The following DMD variants were observed in gnomAD, a reference collection of about 807,000 sequenced individuals.
DMD encodes the protein mutant dystrophin.
A neutral mutation model predicts 330.1 loss-of-function variants in DMD; 63 were observed. The ratio of observed to expected loss-of-function variants is 0.19; its 90% confidence interval spans 0.16 to 0.24. The LOEUF (loss-of-function observed/expected upper bound fraction) is 0.24. Ranked by LOEUF, DMD falls within the 10% of genes least tolerant of loss-of-function variation. DMD has a pLI of 1.00. For missense variants in DMD, 3,344 were observed against 2,684.1 expected (o/e 1.25, Z -5.43); for synonymous variants, 1,223 against 959.8 (o/e 1.27, Z -5.07).
At chrX:32,521,219 G>T (rs534647757) in intron 17 of DMD, among the ~76,000 whole-genome samples, 5 of 111,877 alleles carry the variant, frequency 4.5e-5, no homozygotes, top group African/African-American at 1.6e-4. Flanking sequence ...CACCAGGCTG[G>T]AGTGCAGTGG....
chrX:33,216,760 A>G (rs942358972), intron 1 of DMD, among the ~76,000 whole-genome samples: 2 of 111,677 alleles, frequency 1.8e-5, no homozygotes, highest in African/African-American at 3.3e-5. Context: ...CTTAGATGAT[A>G]CATGTTGTAA....
At chrX:31,341,891 G>GCA (rs58867858) in intron 61 of DMD, among the ~76,000 whole-genome samples, 1,632 of 98,841 alleles carry the variant, frequency 0.017, 18 homozygotes, top group South Asian at 0.052. Context: ...GTGCGCGCGC[G>GCA]CACACACACA....
At chrX:32,821,055 C>T (rs1341106034) in intron 5 of DMD, among the ~76,000 whole-genome samples, 1 of 110,972 alleles carries the variant, frequency 9.0e-6, no homozygotes, top group African/African-American at 3.3e-5. Flanking sequence ...AATCGGCCAA[C>T]TTGGGCTCAC....
At chrX:31,483,331 C>T (rs2068529129) in intron 57 of DMD, among the ~76,000 whole-genome samples, 1 of 111,582 alleles carries the variant, frequency 9.0e-6, no homozygotes, top group South Asian at 3.7e-4. Flanking sequence ...CAGGCGTGAG[C>T]CACCACGCCC....
intron 18 of DMD, among the ~76,000 whole-genome samples, chrX:32,506,084 A>G (rs1245080231): frequency 8.9e-6 from 1 of 111,963 alleles, no homozygotes; most frequent in Non-Finnish European, 1.9e-5. Context: ...ACCGCATAAC[A>G]CTCTAAAGAT....
chrX:31,651,423 C>T lies in DMD; in HGVS notation c.8027+6567G>A, dbSNP rs771760683. ...AGAAGAGAGACAATTAAGAATGGAACATCAACATTTAAAATTGCATTGAAG... is the reference window on the plus strand; with the variant it reads ...AGAAGAGAGACAATTAAGAATGGAATATCAACATTTAAAATTGCATTGAAG... On this transcript the variant is annotated intron_variant, in intron 54 of 78. Transcript: ENST00000357033. 2.7e-5 allele frequency among the ~76,000 whole-genome samples: 3 copies of T among 111,458 alleles called. No homozygotes were observed. The East Asian group carries it at 8.5e-4, about 32-fold the overall frequency.
intron 55 of DMD, among the ~76,000 whole-genome samples, chrX:31,579,502 T>TA (rs2076250155): frequency 4.4e-5 from 5 of 112,373 alleles, no homozygotes; most frequent in African/African-American, 1.6e-4. Flanking sequence ...TTTCCCAAAA[T>TA]GTGGTTTGCT....
chrX:32,727,126 A>G (rs1327896387), intron 7 of DMD, among the ~76,000 whole-genome samples: 2 of 111,368 alleles, frequency 1.8e-5, no homozygotes, highest in Non-Finnish European at 3.8e-5. Context: ...TTTAATAATT[A>G]TAATAGACTA....
intron 53 of DMD, among the ~76,000 whole-genome samples, chrX:31,665,658 T>A (rs768244661): frequency 8.9e-6 from 1 of 111,833 alleles, no homozygotes; most frequent in Non-Finnish European, 1.9e-5. Flanking sequence ...TTACAATAGC[T>A]TTGAAGACTA....
At chrX:33,087,482 T>C (rs1477865146) in intron 1 of DMD, among the ~76,000 whole-genome samples, 1 of 111,996 alleles carries the variant, frequency 8.9e-6, no homozygotes, top group African/African-American at 3.2e-5. Flanking sequence ...TCTCAAGAAA[T>C]GTTTATTTGA....
chrX:31,381,292 G>A (rs1364312094), intron 60 of DMD, among the ~76,000 whole-genome samples: 3 of 111,270 alleles, frequency 2.7e-5, no homozygotes, highest in Non-Finnish European at 5.7e-5. Context: ...CTGGGATCAC[G>A]TCCTGTAGCC....
At chrX:31,604,412 C>G (rs1037568648) in intron 55 of DMD, among the ~76,000 whole-genome samples, 2 of 111,187 alleles carry the variant, frequency 1.8e-5, no homozygotes, top group African/African-American at 6.5e-5. Context: ...ACTGTAGTTC[C>G]AACCTTCAAG....
chrX:32,482,253 G>C (rs1465224342), intron 21 of DMD, among the ~76,000 whole-genome samples: 1 of 111,144 alleles, frequency 9.0e-6, no homozygotes, highest in Non-Finnish European at 1.9e-5. Flanking sequence ...TGAGTTTACT[G>C]GTTTTCAGTC....
At position 31,353,696 on chromosome X, in the gene DMD, C is replaced by T. The variant is rs1177624702; in HGVS notation, c.9085-5062G>A. Among the ~76,000 whole-genome samples the T allele has an allele frequency of 1.3e-4, 14 of 111,504 alleles. No homozygotes were observed. In the Admixed American group the frequency reaches 1.3e-3, roughly 11 times the overall value. On this transcript the variant is annotated intron_variant, in intron 60 of 78. Transcript: ENST00000357033. ...TCATTTGGAACATAATGAATTTGTC[C>T]TAACAGTGAAACATTTAACTGGAGA...
In DMD at chrX:32,855,630, G is replaced by C. The variant is rs1346824448; in HGVS notation, c.94-5810C>G. On this transcript the variant is annotated intron_variant, in intron 2 of 78. Transcript: ENST00000357033. Reference sequence around the variant, plus strand: ...ATGGATATGCAAAAGAATGAAATTAGACCCTTATCTCTCGCCATATACAAA... The same window carrying C: ...ATGGATATGCAAAAGAATGAAATTACACCCTTATCTCTCGCCATATACAAA... Among the ~76,000 whole-genome samples, 3 of 111,806 alleles carry C rather than the reference G, an allele frequency of 2.7e-5. No homozygotes were observed. In the East Asian group the frequency reaches 8.4e-4, roughly 31 times the overall value.
intron 1 of DMD, among the ~76,000 whole-genome samples, chrX:33,186,940 T>C (rs1437675071): frequency 1.8e-5 from 2 of 112,198 alleles, no homozygotes; most frequent in Non-Finnish European, 3.8e-5. Flanking sequence ...TTGCTTTTCA[T>C]TTCCATATAT....
rs746027218 is a variant in DMD at position 32,727,165 on chromosome X, T to G, written c.650-27872A>C. ...AAAAAAAGATCTGCTTCAGAAACAC[T>G]TCCAACTGGTACAAAAATTCAGTTA... On this transcript the variant is annotated intron_variant, in intron 7 of 78. Coordinates refer to ENST00000357033, the MANE Select transcript of DMD (RefSeq NM_004006.3). 2.7e-5 allele frequency among the ~76,000 whole-genome samples: 3 copies of G among 111,468 alleles called. No homozygotes were observed. The South Asian group carries it at 1.1e-3, about 42-fold the overall frequency.
At chrX:32,652,944 G>C (rs1200301689) in intron 9 of DMD, among the ~76,000 whole-genome samples, 1 of 111,747 alleles carries the variant, frequency 8.9e-6, no homozygotes, top group East Asian at 2.8e-4. Context: ...TGTGTCTGTT[G>C]GCTGCATCAA....
At chrX:32,942,468 A>G (rs2090492304) in intron 2 of DMD, among the ~76,000 whole-genome samples, 1 of 111,065 alleles carries the variant, frequency 9.0e-6, no homozygotes, top group South Asian at 3.8e-4. Context: ...GCTTCAATCC[A>G]GGAGGCAGAG....
Sources: allele counts gnomAD v4.1 joint callset (sites outside exome capture counted in the v4.1 genomes callset), GRCh38; gene constraint gnomAD v4.1.1; transcripts MANE v1.5; gene names NCBI Gene and HGNC (gene_info 2026-07-23, HGNC 2026-07-21).